NGLY1: variants seen among roughly 807,000 people sequenced by gnomAD.
NGLY1 encodes the protein peptide-N(4)-(N-acetyl-beta-glucosaminyl)asparagine amidase.
Under a neutral mutation model 84.6 loss-of-function variants are expected in NGLY1, and 68 were observed. The observed-to-expected ratio is 0.80, with a 90% CI of 0.66 to 0.98. NGLY1 has a LOEUF of 0.98. NGLY1 is among the 50% of genes least tolerant of loss of function. NGLY1 has a pLI of 0.00. For synonymous variants in NGLY1, 280 were observed against 275.2 expected (o/e 1.02, Z -0.17); for missense variants, 779 against 770.2 (o/e 1.01, Z -0.14).
rs183177436 is a variant in NGLY1, at chr3:25,779,571, G to C, written c.132-883C>G. ...TCTGAGGCAGTATCTGGGATCCATA[G>C]GAAGATGTACTTCCATAAGAAGCCA... On this transcript the variant is annotated intron_variant, in intron 1 of 11. Coordinates refer to ENST00000280700, the MANE Select transcript of NGLY1 (RefSeq NM_018297.4). Among the ~76,000 whole-genome samples the C allele has an allele frequency of 3.1e-3, 463 of 151,658 alleles. 10 individuals are homozygous for C. Among genetic ancestry groups the C allele is most frequent in the Non-Finnish European group, 1.0e-3 (69 of 68,030 alleles).
intron 5 of NGLY1, 98 bp from the exon 6 acceptor site, chr3:25,737,553 T>C: frequency 8.1e-7 from 1 of 1,241,730 alleles, no homozygotes; most frequent in Non-Finnish European, 1.1e-6. Context: ...AATTTTTTTT[T>C]TTTTTTTGAG....
chr3:25,719,521 T>C lies in NGLY1; in HGVS notation c.1904A>G (p.Gln635Arg), dbSNP rs1412993268. ...ATTTTCTTCATGGTCATTTAAGCTT[T>C]GTCTAAACAGCTGGGTGTGTTGCCA... ...VAWQHTQLFR[Q>R]SLNDHEENCL... is the part of the protein sequence containing the mutation. Residue 635 changes from glutamine to arginine, a missense_variant, in exon 12 of 12, where the codon CAA (glutamine) becomes CGA (arginine). Transcript: ENST00000280700. 6.2e-7 allele frequency: 1 copy of C among 1,614,024 alleles called. No homozygotes were observed. The highest frequency in any genetic ancestry group is 8.5e-7 in the Non-Finnish European group (1 of 1,179,898).
intron 2 of NGLY1, among the ~76,000 whole-genome samples, chr3:25,764,679 T>A (rs1707476527): frequency 6.6e-6 from 1 of 152,020 alleles, no homozygotes; most frequent in South Asian, 2.1e-4. Context: ...GATACTACTA[T>A]TCTCTATGAA....
intron 3 of NGLY1, among the ~76,000 whole-genome samples, chr3:25,763,125 A>G (rs1477292743): frequency 6.6e-6 from 1 of 152,188 alleles, no homozygotes; most frequent in African/African-American, 2.4e-5. Context: ...CTGTCTCAAA[A>G]AAAGAAAAAA....
chr3:25,726,386 A>G (rs1182238508), intron 10 of NGLY1, among the ~76,000 whole-genome samples: 1 of 152,232 alleles, frequency 6.6e-6, no homozygotes, highest in African/African-American at 2.4e-5. Context: ...AGAGAGAGAC[A>G]AATAATTTAT....
At chr3:25,738,468 A>G (rs1705953924) in intron 5 of NGLY1, among the ~76,000 whole-genome samples, 1 of 152,114 alleles carries the variant, frequency 6.6e-6, no homozygotes, top group Admixed American at 6.5e-5. Context: ...TGAGCAGGAA[A>G]AGTGCTGCAG....
chr3:25,733,152 G>A (rs916227278), intron 8 of NGLY1, among the ~76,000 whole-genome samples: 27 of 152,094 alleles, frequency 1.8e-4, no homozygotes, highest in African/African-American at 6.3e-4. Flanking sequence ...CAGGTTTTCA[G>A]GTAGAGATCT....
intron 3 of NGLY1, among the ~76,000 whole-genome samples, chr3:25,758,668 C>T (rs542978400): frequency 6.3e-4 from 96 of 152,026 alleles, no homozygotes; most frequent in Non-Finnish European, 1.1e-3. Context: ...AGTATATTGC[C>T]GTAGTAGTAC....
chr3:25,721,396 T>G lies in NGLY1; in HGVS notation c.1612-1205A>C, dbSNP rs115900221. ...TCCCACTCTCTTTATGTTATCTGCC[T>G]GGTCTGAAATGTACAGCAAGTACTT... On this transcript the variant is annotated intron_variant, in intron 10 of 11. Transcript: ENST00000280700. Among the ~76,000 whole-genome samples, 471 of 152,276 alleles carry G rather than the reference T, an allele frequency of 3.1e-3. 4 individuals carry two copies. The highest frequency in any genetic ancestry group is 0.011 in the African/African-American group (457 of 41,574).
chr3:25,736,210 A>C, intron 6 of NGLY1, 61 bp from the exon 7 acceptor site: 1 of 1,585,362 alleles, frequency 6.3e-7, no homozygotes, highest in Non-Finnish European at 8.6e-7. Flanking sequence ...AATGACTTTC[A>C]ATAACTATAC....
chr3:25,759,145 A>C (rs1228669256), intron 3 of NGLY1, among the ~76,000 whole-genome samples: 1 of 152,182 alleles, frequency 6.6e-6, no homozygotes, highest in Non-Finnish European at 1.5e-5. Flanking sequence ...ACAGAGGAGA[A>C]GGGATACAGG....
At chr3:25,783,647 G>GGGGAGCTCGGCT (rs555439614), upstream of NGLY1, 410 of 294,278 alleles carry the variant, frequency 1.4e-3, 3 homozygotes, top group Non-Finnish European at 1.8e-3. This position sits in a 1 kb window ranked among gnomAD's most constrained non-coding sequence, Gnocchi z 4.5. Flanking sequence ...GCCAGGAGCG[G>GGGGAGCTCGGCT]GGGAGCTCGG....
intron 4 of NGLY1, among the ~76,000 whole-genome samples, chr3:25,746,364 T>C (rs1176443331): frequency 6.6e-6 from 1 of 152,224 alleles, no homozygotes; most frequent in Non-Finnish European, 1.5e-5. Context: ...GTCATTTCTT[T>C]CCTATTTTAA....
At chr3:25,735,975 G>GA (rs34907167) in intron 7 of NGLY1, 29 bp downstream of exon 7, 1 of 1,554,688 alleles carries the variant, frequency 6.4e-7, no homozygotes, top group African/African-American at 1.4e-5. Flanking sequence ...TTTACTTTTG[G>GA]AAAAAAGTTT....
intron 4 of NGLY1, among the ~76,000 whole-genome samples, chr3:25,742,802 C>T (rs905219124): frequency 6.6e-6 from 1 of 150,734 alleles, no homozygotes; most frequent in Non-Finnish European, 1.5e-5. Flanking sequence ...CAGCTGGCTC[C>T]CCGTCGTAGG....
chr3:25,749,463 T>C, intron 4 of NGLY1: 5 of 1,274,728 alleles, frequency 3.9e-6, no homozygotes, highest in South Asian at 1.2e-5. Context: ...CCTACAGAGG[T>C]GGCAGCCATC....
chr3:25,750,513 A>G (rs1706678909), intron 4 of NGLY1, among the ~76,000 whole-genome samples: 1 of 152,212 alleles, frequency 6.6e-6, no homozygotes, highest in Admixed American at 6.5e-5. Flanking sequence ...CTTAATGAGT[A>G]TAGTTTCAGT....
intron 2 of NGLY1, among the ~76,000 whole-genome samples, chr3:25,768,201 T>A (rs1707706649): frequency 7.0e-6 from 1 of 143,734 alleles, no homozygotes; most frequent in Non-Finnish European, 1.5e-5. Flanking sequence ...GGTAGGTGAA[T>A]CACCTGAGGT....
In NGLY1 at chr3:25,764,148, G is replaced by A; in HGVS notation, c.410C>T (p.Thr137Ile). Residue 137 changes from threonine (T) to isoleucine (I), a missense_variant, in exon 3 of 12, where the codon ACA becomes ATA. Coordinates refer to ENST00000280700, the MANE Select transcript of NGLY1 (RefSeq NM_018297.4). ...QPAASTQLPT[T>I]PSSNPSGLNQ... ...TAACCCACTGGGATTTGAAGATGGT[G>A]TTGTAGGAAGCTGGGTACTGGCTGC... is the stretch of plus-strand genomic sequence containing the variant. 3 of 1,614,204 alleles carry A rather than the reference G, an allele frequency of 1.9e-6. No individual in the cohort carries two copies. The highest frequency in any genetic ancestry group is 1.7e-6 in the Non-Finnish European group (2 of 1,180,028).
Sources: gnomAD v4.1 joint callset for allele counts (sites outside exome capture counted in the v4.1 genomes callset) on GRCh38, gnomAD v4.1.1 for gene constraint, Gnocchi (gnomAD v3.1) non-coding constraint, MANE v1.5 for transcripts, NCBI Gene and HGNC (gene_info 2026-07-23, HGNC 2026-07-21) for gene names.